ESR1: variants seen among roughly 807,000 people sequenced by gnomAD.
ESR1 encodes estrogen receptor 1, also known as estrogen receptor.
A neutral mutation model predicts 52.7 loss-of-function variants in ESR1; 12 were observed. The observed-to-expected ratio is 0.23, with a 90% confidence interval of 0.15 to 0.37. The LOEUF is 0.37. ESR1 is among the 10% of genes least tolerant of loss of function. The pLI is 1.00. For missense variants in ESR1, 584 were observed against 779.7 expected, an observed-to-expected ratio of 0.75 and a Z score of 2.99; for synonymous variants, 305 against 316.8, an observed-to-expected ratio of 0.96 and a Z score of 0.39.
intron 3 of ESR1, among the ~76,000 whole-genome samples, chr6:151,932,036 C>T (rs2033695425): frequency 6.7e-6 from 1 of 149,184 alleles, no homozygotes; most frequent in South Asian, 2.1e-4. Context: ...ACACTGACTT[C>T]CACAATGGTT....
At chr6:151,919,402 G>A (rs1257683336) in intron 3 of ESR1, among the ~76,000 whole-genome samples, 1 of 152,036 alleles carries the variant, frequency 6.6e-6, no homozygotes, top group African/African-American at 2.4e-5. Context: ...TAGAATTTTT[G>A]GAATCAAGTA....
upstream of ESR1, among the ~76,000 whole-genome samples, chr6:151,686,098 C>T (rs1033097756): frequency 1.9e-5 from 2 of 106,896 alleles, no homozygotes; most frequent in Admixed American, 9.9e-5. Flanking sequence ...TATTTAGAGA[C>T]GGGGTCTTTC....
At chr6:151,687,384 A>G (rs1428951445), upstream of ESR1, among the ~76,000 whole-genome samples, 1 of 152,214 alleles carries the variant, frequency 6.6e-6, no homozygotes, top group African/African-American at 2.4e-5. Context: ...CTTCACGAGG[A>G]AAGCCAGAAG....
chr6:151,688,807 G>T (rs1193705428), upstream of ESR1, among the ~76,000 whole-genome samples: 1 of 152,076 alleles, frequency 6.6e-6, no homozygotes, highest in Admixed American at 6.6e-5. Context: ...TAGGATATAT[G>T]TAAATACTAT....
At position 152,101,149 on chromosome 6, in the gene ESR1, T is replaced by A. The variant is rs56254212; in HGVS notation, c.*2183T>A. ...GAAGATCACATTTCATATCAACTTT[T>A]GTATCCACAGTAGACAAAATAGCAC... is the stretch of plus-strand genomic sequence containing the variant. On this transcript the variant is annotated 3_prime_UTR_variant, in exon 8 of 8. Transcript: ENST00000206249. 7.8e-5 allele frequency: 18 copies of A among 232,188 alleles called. No homozygotes were observed. The highest frequency in any genetic ancestry group is 1.1e-4 in the Admixed American group (2 of 17,722). 14.4% of individuals were successfully genotyped at this position (232,188 alleles called of 1,614,324 possible).
At chr6:152,006,629 ATTTATT>A (rs2042353416) in intron 4 of ESR1, among the ~76,000 whole-genome samples, 1 of 151,894 alleles carries the variant, frequency 6.6e-6, no homozygotes, top group African/African-American at 2.4e-5. Context: ...TCCTTCCATG[ATTTATT>A]TTTTTCCCAT....
intron 3 of ESR1, among the ~76,000 whole-genome samples, chr6:151,943,337 G>A (rs902629613): frequency 2.7e-5 from 4 of 150,624 alleles, no homozygotes; most frequent in East Asian, 3.9e-4. Context: ...CCGAGATCCC[G>A]CCACTGCACT....
intron 6 of ESR1, among the ~76,000 whole-genome samples, chr6:152,062,149 C>T (rs1347167211): frequency 6.6e-6 from 1 of 152,228 alleles, no homozygotes; most frequent in Non-Finnish European, 1.5e-5. Context: ...ACTTCCTTCT[C>T]TTTCCACGTG....
chr6:151,858,021 C>CT (rs1246789829), intron 2 of ESR1, among the ~76,000 whole-genome samples: 1 of 152,138 alleles, frequency 6.6e-6, no homozygotes, highest in African/African-American at 2.4e-5. Context: ...TATATACTAA[C>CT]TTTTTTTTAC....
At chr6:152,103,308 T>C, downstream of ESR1, 1 of 174,644 alleles carries the variant, frequency 5.7e-6, no homozygotes, top group East Asian at 1.0e-4. Flanking sequence ...GCTCCACTTC[T>C]TGCTAGCAGT....
chr6:152,097,348 A>G (rs2050697546), intron 7 of ESR1, among the ~76,000 whole-genome samples: 1 of 152,164 alleles, frequency 6.6e-6, no homozygotes, highest in South Asian at 2.1e-4. Context: ...CAGGTTGCAC[A>G]AGGAACACAG....
rs1229038269 is a variant in ESR1 at position 151,895,121 on chromosome 6, T to C, written c.760+14350T>C. On this transcript the variant is annotated intron_variant, in intron 3 of 7. Transcript: ENST00000206249. ...GGTCCTTCACCTTCTTGGTTAGTTT[T>C]TGTTTTTTTTGGTTTTTTTTTTTTT... is the stretch of plus-strand genomic sequence containing the variant. Among the ~76,000 whole-genome samples, 3 of 123,516 alleles carry C rather than the reference T, an allele frequency of 2.4e-5. No homozygotes were observed. The East Asian group carries it at 6.4e-4, about 26-fold the overall frequency. The allele number at this position is 123,516 out of a possible 152,430, so 81.0% of individuals were successfully genotyped here.
intron 2 of ESR1, among the ~76,000 whole-genome samples, chr6:151,876,893 G>C (rs989381023): frequency 4.0e-5 from 6 of 151,826 alleles, no homozygotes; most frequent in Non-Finnish European, 8.8e-5. Flanking sequence ...CTATGGGCTT[G>C]GTTCATCCGG....
At chr6:152,031,675 G>A (rs1428447734) in intron 5 of ESR1, among the ~76,000 whole-genome samples, 1 of 152,112 alleles carries the variant, frequency 6.6e-6, no homozygotes, top group East Asian at 1.9e-4. Flanking sequence ...AAAAGTCCAG[G>A]ACCAGACGGA....
At chr6:151,727,446 C>A (rs2128033165) in intron 2 of ESR1, among the ~76,000 whole-genome samples, 1 of 152,230 alleles carries the variant, frequency 6.6e-6, no homozygotes. Context: ...AAGTGATCTG[C>A]CTGTCTCGGC....
chr6:152,119,551 TTCCCA>T (rs374068918), intron 6 of ESR1, among the ~76,000 whole-genome samples: 260 of 152,304 alleles, frequency 1.7e-3, no homozygotes, highest in African/African-American at 5.8e-3. Context: ...AACCCTTCCC[TTCCCA>T]TCCTTCCTGG....
At chr6:151,811,367 A>G (rs1377538002) in intron 1 of ESR1, 1 of 152,230 alleles carries the variant, frequency 6.6e-6, no homozygotes, top group African/African-American at 2.4e-5. Flanking sequence ...GAATAAAACT[A>G]AAGATGAAGC....
intron 5 of ESR1, among the ~76,000 whole-genome samples, chr6:152,023,806 C>T (rs1476111161): frequency 6.6e-6 from 1 of 152,178 alleles, no homozygotes; most frequent in East Asian, 1.9e-4. Flanking sequence ...TGTCATTTAA[C>T]TTGTTCCTCT....
At chr6:152,066,306 A>G (rs1397839371) in intron 6 of ESR1, among the ~76,000 whole-genome samples, 1 of 152,242 alleles carries the variant, frequency 6.6e-6, no homozygotes, top group Non-Finnish European at 1.5e-5. Context: ...TTATTAGACA[A>G]TTACTCAGAT....
Sources: allele counts gnomAD v4.1 joint callset (sites outside exome capture counted in the v4.1 genomes callset), GRCh38; gene constraint gnomAD v4.1.1; transcripts MANE v1.5; gene names NCBI Gene and HGNC (gene_info 2026-07-23, HGNC 2026-07-21).